GRHL3: variants seen among roughly 807,000 people sequenced by gnomAD.
The protein encoded by GRHL3 is grainyhead-like protein 3 homolog.
A neutral mutation model predicts 70.3 loss-of-function variants in GRHL3; 20 were observed. The ratio of observed to expected loss-of-function variants is 0.28; its 90% CI spans 0.20 to 0.41. GRHL3 has a LOEUF of 0.41. Ranked by LOEUF, GRHL3 falls within the 10% of genes least tolerant of loss-of-function variation. The pLI is 1.00. For synonymous variants in GRHL3, 299 were observed against 299.9 expected (o/e 1.00, Z 0.03); for missense variants, 637 against 762.3 (o/e 0.84, Z 1.94).
At chr1:24,358,118 AAATG>A (rs776534645), downstream of GRHL3, 3 of 429,992 alleles carry the variant, frequency 7.0e-6, no homozygotes, top group Non-Finnish European at 1.4e-5. Context: ...ATGAATGTGT[AAATG>A]AATGAAGGAA....
chr1:24,337,499 G>A, intron 5 of GRHL3, 137 bp from the exon 6 acceptor site: 1 of 882,482 alleles, frequency 1.1e-6, no homozygotes, highest in Admixed American at 2.5e-5. Flanking sequence ...AGGAAACTGG[G>A]GCCCAAGGAA....
intron 3 of GRHL3, among the ~76,000 whole-genome samples, chr1:24,335,230 G>C (rs1261233782): frequency 6.6e-6 from 1 of 152,200 alleles, no homozygotes; most frequent in African/African-American, 2.4e-5. Flanking sequence ...TGTGTTGGGG[G>C]AGGGAGACCT....
intron 11 of GRHL3, chr1:24,343,232 C>T (rs548193436): frequency 1.1e-3 from 588 of 559,118 alleles, no homozygotes; most frequent in Non-Finnish European, 1.6e-3. Flanking sequence ...TATGAAGAAA[C>T]AGATTTCGTA....
intron 8 of GRHL3, 48 bp downstream of exon 8, chr1:24,339,810 T>A: frequency 7.8e-7 from 1 of 1,289,684 alleles, no homozygotes; most frequent in Non-Finnish European, 1.1e-6. Flanking sequence ...TGCCTGGAAG[T>A]CCCTATTCTG....
chr1:24,323,142 G>A (rs373262192), intron 1 of GRHL3: 360 of 1,427,114 alleles, frequency 2.5e-4, no homozygotes, highest in Non-Finnish European at 3.3e-4. Flanking sequence ...TTATATATTT[G>A]TTGTATTTTA....
At chr1:24,351,046 G>A (rs1226341796) in intron 15 of GRHL3, among the ~76,000 whole-genome samples, 2 of 152,206 alleles carry the variant, frequency 1.3e-5, no homozygotes, top group Non-Finnish European at 2.9e-5. Context: ...GCTGTTGCCA[G>A]CCCAGAGGCC....
In GRHL3 at chr1:24,343,011, C is replaced by T; in HGVS notation, c.1405C>T (p.Gln469Ter). The change falls in exon 11 of 16, where the codon CAG (glutamine) becomes TAG (stop). Residue 469 changes from glutamine (Q) to a stop codon, truncating the protein, a stop_gained. Transcript: ENST00000361548. LOFTEE classifies it high-confidence loss of function. ...FIPNVHFSSL[Q>*]RSGGAAPSAG... is the part of the protein sequence containing the mutation. ...CCCCAATGTGCACTTCTCCAGCCTG[C>T]AGCGCTCTGGAGGGGTGAGGCCAGG... 6.2e-7 allele frequency: 1 copy of T among 1,614,124 alleles called. No individual in the cohort carries two copies. The highest frequency in any genetic ancestry group is 8.5e-7 in the Non-Finnish European group (1 of 1,180,022).
chr1:24,323,960 G>A (rs1205488301), intron 1 of GRHL3, among the ~76,000 whole-genome samples: 5 of 152,218 alleles, frequency 3.3e-5, no homozygotes, highest in Non-Finnish European at 5.9e-5. Context: ...CACATGAATG[G>A]CAGTGGCCTT....
At chr1:24,331,045 G>A (rs1453753947) in intron 1 of GRHL3, among the ~76,000 whole-genome samples, 1 of 152,190 alleles carries the variant, frequency 6.6e-6, no homozygotes, top group African/African-American at 2.4e-5. Flanking sequence ...TGGGTTATCT[G>A]GAAATTTTAT....
intron 1 of GRHL3, among the ~76,000 whole-genome samples, chr1:24,323,625 C>G (rs1296802963): frequency 2.0e-5 from 3 of 152,280 alleles, no homozygotes; most frequent in Non-Finnish European, 4.4e-5. Flanking sequence ...GATAAAAATA[C>G]CCACCTCACA....
chr1:24,360,046 G>A (rs969000586), downstream of GRHL3, among the ~76,000 whole-genome samples: 15 of 152,178 alleles, frequency 9.9e-5, no homozygotes, highest in Non-Finnish European at 1.3e-4. Context: ...GGCACTGCCC[G>A]CCACGAACTC....
At chr1:24,361,659 G>C (rs530012892) in intron 15 of GRHL3, among the ~76,000 whole-genome samples, 1 of 152,238 alleles carries the variant, frequency 6.6e-6, no homozygotes, top group Admixed American at 6.5e-5. Context: ...GCACCGGGCT[G>C]GAAATCAAGA....
At chr1:24,331,657 T>TGCCCC (rs1639621143) in intron 2 of GRHL3, 45 bp downstream of exon 2, 2 of 1,545,234 alleles carry the variant, frequency 1.3e-6, no homozygotes, top group Non-Finnish European at 1.8e-6. Context: ...ACTGAATGGG[T>TGCCCC]GTCTTCACTT....
intron 3 of GRHL3, among the ~76,000 whole-genome samples, chr1:24,335,114 A>G (rs1389862289): frequency 1.3e-5 from 2 of 151,912 alleles, no homozygotes; most frequent in African/African-American, 4.8e-5. Flanking sequence ...TTTACTGAAA[A>G]CAAACTTCAA....
chr1:24,331,083 C>T (rs972604397), intron 1 of GRHL3, among the ~76,000 whole-genome samples: 3 of 152,224 alleles, frequency 2.0e-5, no homozygotes, highest in African/African-American at 7.2e-5. Flanking sequence ...TTATCATTGG[C>T]ATTTCCCATT....
At chr1:24,352,002 C>A (rs991512207) in intron 15 of GRHL3, among the ~76,000 whole-genome samples, 1 of 152,122 alleles carries the variant, frequency 6.6e-6, no homozygotes, top group Non-Finnish European at 1.5e-5. Context: ...CCTGCTTGTT[C>A]CTCTAATCAC....
chr1:24,333,315 C>T (rs1038096511), intron 2 of GRHL3, among the ~76,000 whole-genome samples: 2 of 152,094 alleles, frequency 1.3e-5, no homozygotes, highest in East Asian at 1.9e-4. Flanking sequence ...AATCTGGCTT[C>T]GGGTAATATA....
chr1:24,342,378 T>G lies in GRHL3; in HGVS notation c.1206+105T>G, dbSNP rs1011082903. ...TCTCTGGGTTGTCTGTCTCTCTCTG[T>G]TTTTCTATCCCTTCTCCTCCTTCCC... On this transcript the variant is annotated intron_variant, in intron 9 of 15. Transcript: ENST00000361548. This position sits in a 1 kb window ranked among gnomAD's most constrained non-coding sequence, Gnocchi z 4.8. The G allele has an allele frequency of 2.1e-6, 2 of 975,382 alleles. No homozygotes were observed. The highest frequency in any genetic ancestry group is 4.9e-5 in the Admixed American group (2 of 40,726). The allele number at this position is 975,382 out of a possible 1,614,324, so 60.4% of individuals were successfully genotyped here.
chr1:24,362,861 A>C (rs2148678114), intron 15 of GRHL3, among the ~76,000 whole-genome samples: 1 of 152,248 alleles, frequency 6.6e-6, no homozygotes, highest in Non-Finnish European at 1.5e-5. Flanking sequence ...GAAAGGGGGG[A>C]CATGCTGCCT....
Sources: gnomAD v4.1 joint callset for allele counts (sites outside exome capture counted in the v4.1 genomes callset) on GRCh38, gnomAD v4.1.1 for gene constraint, Gnocchi (gnomAD v3.1) non-coding constraint, MANE v1.5 for transcripts, NCBI Gene and HGNC (gene_info 2026-07-23, HGNC 2026-07-21) for gene names.